The following ERC2 variants were observed in gnomAD, a reference collection of about 807,000 sequenced individuals.
The protein encoded by ERC2 is ELKS/RAB6-interacting/CAST family member 2, also known as ERC protein 2.
A neutral mutation model predicts 114.8 loss-of-function variants in ERC2; 42 were observed. That is an observed-to-expected ratio of 0.37 (90% CI 0.29 to 0.47). The LOEUF is 0.47. Ranked by LOEUF, ERC2 falls within the 20% of genes least tolerant of loss-of-function variation. The pLI is 0.99. For missense variants in ERC2, 939 were observed against 1,150.7 expected, an observed-to-expected ratio of 0.82 and a Z score of 2.66; for synonymous variants, 454 against 425.5, an observed-to-expected ratio of 1.07 and a Z score of -0.82.
chr3:55,796,878 C>T (rs984970099), intron 14 of ERC2, among the ~76,000 whole-genome samples: 1 of 152,180 alleles, frequency 6.6e-6, no homozygotes. Flanking sequence ...AAACAGTAAA[C>T]TTCAATAACT....
chr3:56,299,139 G>GTTT (rs2055683597), intron 2 of ERC2, among the ~76,000 whole-genome samples: 1 of 70,058 alleles, frequency 1.4e-5, no homozygotes, highest in African/African-American at 5.4e-5. Context: ...TTGTTTGTTT[G>GTTT]TTTTTTGAGA....
intron 11 of ERC2, among the ~76,000 whole-genome samples, chr3:55,986,999 A>G (rs144461292): frequency 3.3e-5 from 5 of 152,272 alleles, no homozygotes; most frequent in African/African-American, 1.2e-4. Flanking sequence ...GGTATTTCAC[A>G]TGGGAAGGAA....
chr3:56,181,179 A>G (rs972481536), intron 3 of ERC2, among the ~76,000 whole-genome samples: 6 of 152,182 alleles, frequency 3.9e-5, no homozygotes, highest in Non-Finnish European at 7.3e-5. Context: ...CTCTCAGTAC[A>G]TGGAGGCGTG....
At chr3:56,447,982 A>T (rs1349149117) in intron 1 of ERC2, among the ~76,000 whole-genome samples, 1 of 152,052 alleles carries the variant, frequency 6.6e-6, no homozygotes, top group Non-Finnish European at 1.5e-5. Context: ...ACCTCAAGTG[A>T]TCCACCCGCC....
chr3:56,044,875 C>T (rs1360611318), intron 7 of ERC2, among the ~76,000 whole-genome samples: 1 of 152,090 alleles, frequency 6.6e-6, no homozygotes. Flanking sequence ...AAAATAGAAA[C>T]ATTATGTCAA....
intron 3 of ERC2, among the ~76,000 whole-genome samples, chr3:56,242,501 C>G (rs747705552): frequency 5.9e-5 from 9 of 152,080 alleles, no homozygotes; most frequent in Non-Finnish European, 1.3e-4. Flanking sequence ...AAGTACATGA[C>G]AGCAGCAATT....
chr3:56,467,589 C>G (rs2107604877), intron 1 of ERC2, among the ~76,000 whole-genome samples: 1 of 152,052 alleles, frequency 6.6e-6, no homozygotes, highest in Middle Eastern at 3.4e-3. Flanking sequence ...TCGTAAGTAT[C>G]CCTTTTTTTG....
At chr3:55,917,221 C>A (rs916531398) in intron 13 of ERC2, among the ~76,000 whole-genome samples, 1 of 152,074 alleles carries the variant, frequency 6.6e-6, no homozygotes, top group Admixed American at 6.5e-5. Context: ...GTTTGTATAC[C>A]CTTATACACT....
intron 4 of ERC2, 88 bp from the exon 5 acceptor site, chr3:56,149,220 G>A: frequency 7.7e-7 from 1 of 1,294,304 alleles, no homozygotes; most frequent in Non-Finnish European, 1.1e-6. Context: ...AAGTAATTTT[G>A]GTAGTGCTGT....
chr3:56,017,489 T>A (rs573777014), intron 8 of ERC2, among the ~76,000 whole-genome samples: 39 of 152,240 alleles, frequency 2.6e-4, no homozygotes, highest in Non-Finnish European at 3.8e-4. Context: ...AGCCAATTTT[T>A]AAAAATCTTG....
chr3:55,528,329 T>C (rs2053459702), intron 17 of ERC2, among the ~76,000 whole-genome samples: 1 of 152,244 alleles, frequency 6.6e-6, no homozygotes, highest in Admixed American at 6.5e-5. Context: ...TGTAAACTAA[T>C]ATTTGTAAAA....
chr3:56,247,513 C>T (rs1278035610), intron 3 of ERC2, among the ~76,000 whole-genome samples: 1 of 152,176 alleles, frequency 6.6e-6, no homozygotes, highest in East Asian at 1.9e-4. Flanking sequence ...AAATGCTTTG[C>T]AAAGGCAAAC....
At chr3:56,411,336 G>T (rs977995729) in intron 2 of ERC2, among the ~76,000 whole-genome samples, 4 of 151,606 alleles carry the variant, frequency 2.6e-5, no homozygotes, top group Non-Finnish European at 4.4e-5. Context: ...CTGCTTGCCT[G>T]CCTCACCCAA....
chr3:56,177,118 T>C (rs1311702830), intron 3 of ERC2, among the ~76,000 whole-genome samples: 2 of 152,236 alleles, frequency 1.3e-5, no homozygotes, highest in African/African-American at 2.4e-5. Context: ...TTCTATTAAG[T>C]TAAGCCTATG....
At chr3:55,983,487 A>G (rs886435575) in intron 12 of ERC2, among the ~76,000 whole-genome samples, 23 of 152,194 alleles carry the variant, frequency 1.5e-4, no homozygotes, top group Admixed American at 1.4e-3. Flanking sequence ...GGAGACCTGA[A>G]CAGATTTGGA....
At chr3:55,704,487 C>A (rs910228134) in intron 15 of ERC2, among the ~76,000 whole-genome samples, 1 of 152,132 alleles carries the variant, frequency 6.6e-6, no homozygotes, top group African/African-American at 2.4e-5. Context: ...CCCTTTTTCC[C>A]ACTAGGGAAA....
intron 16 of ERC2, among the ~76,000 whole-genome samples, chr3:55,690,720 C>G (rs112712990): frequency 4.6e-5 from 7 of 152,306 alleles, no homozygotes; most frequent in African/African-American, 1.7e-4. Context: ...AGGAAAAATC[C>G]TTTTCTAACA....
At chr3:55,826,401 C>G (rs2060328486) in intron 14 of ERC2, among the ~76,000 whole-genome samples, 1 of 152,158 alleles carries the variant, frequency 6.6e-6, no homozygotes, top group South Asian at 2.1e-4. Flanking sequence ...AGAATCTGGA[C>G]TCAGAATACC....
chr3:55,941,698 G>A (rs547613394), intron 13 of ERC2, among the ~76,000 whole-genome samples: 1 of 152,230 alleles, frequency 6.6e-6, no homozygotes, highest in South Asian at 2.1e-4. Flanking sequence ...ATCCACACTT[G>A]TTTTCCATCA....
Sources: gnomAD v4.1 joint callset for allele counts (sites outside exome capture counted in the v4.1 genomes callset) on GRCh38, gnomAD v4.1.1 for gene constraint, MANE v1.5 for transcripts, NCBI Gene and HGNC (gene_info 2026-07-23, HGNC 2026-07-21) for gene names.